The following DRC9 variants were observed in gnomAD, a reference collection of about 807,000 sequenced individuals.
DRC9 encodes dynein regulatory complex subunit 9.
the DRC9 span, among the ~76,000 whole-genome samples, chr3:197,896,858 C>G: frequency 5.3e-5 from 8 of 152,156 alleles, no homozygotes; most frequent in East Asian, 1.5e-3. Context: ...GCCCACTGTA[C>G]TACCCTCTGA....
At chr3:197,925,413 G>C in the DRC9 span, among the ~76,000 whole-genome samples, 2 of 139,394 alleles carry the variant, frequency 1.4e-5, no homozygotes, top group Non-Finnish European at 3.1e-5. Flanking sequence ...GTGTTTGTGG[G>C]GTGGGATATG....
At chr3:197,944,417 C>T in the DRC9 span, among the ~76,000 whole-genome samples, 1 of 151,810 alleles carries the variant, frequency 6.6e-6, no homozygotes, top group East Asian at 1.9e-4. Flanking sequence ...TGCTACCACA[C>T]CTGGCTAAGT....
chr3:197,955,779 C>A, the DRC9 span: 1 of 1,600,172 alleles, frequency 6.2e-7, no homozygotes, highest in Non-Finnish European at 8.6e-7. Flanking sequence ...TTTAAACTAA[C>A]GAAAAATCAA....
chr3:197,938,042 G>A, the DRC9 span, among the ~76,000 whole-genome samples: 16 of 152,038 alleles, frequency 1.1e-4, no homozygotes, highest in African/African-American at 3.9e-4. Context: ...AGGGCCGGGC[G>A]CGGTGGCTCA....
At chr3:197,929,372 G>A in the DRC9 span, among the ~76,000 whole-genome samples, 2 of 152,198 alleles carry the variant, frequency 1.3e-5, no homozygotes, top group African/African-American at 4.8e-5. The surrounding 1 kb of genome is among the most constrained non-coding windows in gnomAD (Gnocchi z 4.6). Context: ...ACAGTGCAGT[G>A]TTGCCCACAT....
chr3:197,891,422 G>T, the DRC9 span: 1 of 1,246,372 alleles, frequency 8.0e-7, no homozygotes, highest in Non-Finnish European at 1.2e-6. Context: ...CAGCTGTGGC[G>T]AGATACTGAT....
chr3:197,889,729 GGGAGTGAGTAC>G, the DRC9 span: 1 of 1,614,080 alleles, frequency 6.2e-7, no homozygotes, highest in Non-Finnish European at 8.5e-7. Context: ...AAGAGAAAAG[GGGAGTGAGTAC>G]GACGTATGCT....
chr3:197,936,390 G>A, the DRC9 span, among the ~76,000 whole-genome samples: 1 of 151,620 alleles, frequency 6.6e-6, no homozygotes, highest in Non-Finnish European at 1.5e-5. Context: ...TTTTTGAGAT[G>A]GGGCCTCACT....
chr3:197,956,625 T>C, the DRC9 span: 2 of 120,572 alleles, frequency 1.7e-5, no homozygotes, highest in Non-Finnish European at 3.4e-5. Context: ...TGCTGTATGG[T>C]TTTTTTTTTT....
the DRC9 span, among the ~76,000 whole-genome samples, chr3:197,932,613 C>T: frequency 6.6e-6 from 1 of 150,446 alleles, no homozygotes; most frequent in Non-Finnish European, 1.5e-5. Context: ...AGTCTGGCAA[C>T]AGAGTGAGAC....
chr3:197,905,995 A>C, the DRC9 span, among the ~76,000 whole-genome samples: 1 of 151,860 alleles, frequency 6.6e-6, no homozygotes, highest in Admixed American at 6.6e-5. Flanking sequence ...AGAAACCTAC[A>C]GAGTAAATCT....
chr3:197,950,448 T>C, the DRC9 span: 5 of 600,212 alleles, frequency 8.3e-6, no homozygotes, highest in African/African-American at 5.8e-5. Context: ...TTCCTGGGCC[T>C]GAACGGAGTG....
the DRC9 span, among the ~76,000 whole-genome samples, chr3:197,922,867 G>A: frequency 1.5e-4 from 23 of 151,942 alleles, no homozygotes; most frequent in South Asian, 1.5e-3. Flanking sequence ...GAGTTTTTCA[G>A]GGAAAAGAGT....
chr3:197,937,984 G>T, the DRC9 span, among the ~76,000 whole-genome samples: 1 of 151,842 alleles, frequency 6.6e-6, no homozygotes, highest in African/African-American at 2.4e-5. Context: ...AAAAGAAAAA[G>T]AAAAAAATTT....
the DRC9 span, chr3:197,916,272 TTTG>T: frequency 4.8e-4 from 74 of 155,112 alleles, no homozygotes; most frequent in South Asian, 1.9e-3. Flanking sequence ...TGCGCCCGGC[TTTG>T]TTGTTGTTGT....
the DRC9 span, among the ~76,000 whole-genome samples, chr3:197,939,801 C>T: frequency 1.3e-5 from 2 of 151,898 alleles, no homozygotes; most frequent in Admixed American, 6.6e-5. Context: ...TGCAGTGGCG[C>T]GATCTCGGCT....
the DRC9 span, among the ~76,000 whole-genome samples, chr3:197,909,669 C>T: frequency 1.3e-5 from 2 of 152,158 alleles, no homozygotes; most frequent in Admixed American, 1.3e-4. Flanking sequence ...CTCTGGAACA[C>T]TATATATAGC....
the DRC9 span, chr3:197,913,988 T>G: frequency 1.2e-6 from 2 of 1,614,180 alleles, no homozygotes; most frequent in South Asian, 2.2e-5. Flanking sequence ...AAGTTGGATT[T>G]TGCCTTCATC....
At chr3:197,921,579 A>G in the DRC9 span, among the ~76,000 whole-genome samples, 3,941 of 106,530 alleles carry the variant, frequency 0.037, 207 homozygotes, top group African/African-American at 0.12. Flanking sequence ...CCCGACTACT[A>G]GTTTTCAGTA....
Sources: allele counts gnomAD v4.1 joint callset (sites outside exome capture counted in the v4.1 genomes callset), GRCh38; gene constraint gnomAD v4.1.1; non-coding constraint Gnocchi (gnomAD v3.1); transcripts MANE v1.5; gene names NCBI Gene and HGNC (gene_info 2026-07-23, HGNC 2026-07-21).